MRS2: variants seen among roughly 807,000 people sequenced by gnomAD.
The protein encoded by MRS2 is magnesium transporter MRS2 homolog, mitochondrial.
MRS2 carries 40 observed loss-of-function variants against 52.6 expected under a neutral mutation model. That is an observed-to-expected ratio of 0.76 (90% CI 0.59 to 0.99). MRS2 has a LOEUF of 0.99. MRS2 is among the 50% of genes least tolerant of loss of function. MRS2 has a pLI of 0.00. For missense variants in MRS2, 472 were observed against 532.7 expected (o/e 0.89, Z 1.12); for synonymous variants, 193 against 195.9 (o/e 0.98, Z 0.13).
chr6:24,404,928 T>C (rs1330544053), intron 1 of MRS2, among the ~76,000 whole-genome samples: 5 of 152,238 alleles, frequency 3.3e-5, no homozygotes, highest in Non-Finnish European at 7.3e-5. Flanking sequence ...GTGATTGGAA[T>C]CCATCAGTTA....
intron 6 of MRS2, among the ~76,000 whole-genome samples, chr6:24,416,178 C>A (rs1761841541): frequency 1.3e-5 from 2 of 152,104 alleles, no homozygotes; most frequent in Admixed American, 6.6e-5. Context: ...CTGCCTTGGC[C>A]TCCTAAAGTG....
chr6:24,416,309 T>C lies in MRS2; in HGVS notation c.720-88T>C, dbSNP rs367893110. ...TTTAGCATGAATGTATAAGATAATA[T>C]ATTTGATAAGATACTCTAAAAACAC... On this transcript the variant is annotated intron_variant, in intron 6 of 10. Transcript: ENST00000378386. 2.0e-5 allele frequency: 12 copies of C among 613,194 alleles called. 1 individual carries two copies. Among genetic ancestry groups the C allele is most frequent in the Admixed American group, 1.1e-4 (4 of 34,810 alleles). 38.0% of individuals were successfully genotyped at this position (613,194 alleles called of 1,614,324 possible). A position where few individuals can be genotyped will look rare whatever the true frequency, so the allele number is the denominator to read the frequency against.
chr6:24,422,491 A>G (rs1762078816), intron 9 of MRS2, among the ~76,000 whole-genome samples: 1 of 152,162 alleles, frequency 6.6e-6, no homozygotes, highest in Non-Finnish European at 1.5e-5. Context: ...CGGAAGACAA[A>G]AAATTTATTA....
At chr6:24,409,281 ACT>A (rs923068342) in intron 3 of MRS2, among the ~76,000 whole-genome samples, 178 bp from the exon 4 acceptor site, 7 of 152,076 alleles carry the variant, frequency 4.6e-5, no homozygotes, top group Non-Finnish European at 1.0e-4. Context: ...CATTAGTTTG[ACT>A]CTATTTAGCC....
intron 2 of MRS2, among the ~76,000 whole-genome samples, chr6:24,406,976 ATTTT>A (rs1205519025): frequency 6.6e-6 from 1 of 152,208 alleles, no homozygotes; most frequent in African/African-American, 2.4e-5. Context: ...GATTTAAAAA[ATTTT>A]TTTAAGTTCC....
Position 24,415,090 on chromosome 6 carries a change from G to A in MRS2, c.646G>A (p.Asp216Asn), listed in dbSNP as rs758968199. 1 of 1,611,946 alleles carries A rather than the reference G, an allele frequency of 6.2e-7. No individual in the cohort carries two copies. Among genetic ancestry groups the A allele is most frequent in the Non-Finnish European group, 8.5e-7 (1 of 1,178,388 alleles). The change falls in exon 6 of 11, where the codon GAT becomes AAT. Residue 216 changes from aspartate to asparagine, a missense_variant. Transcript: ENST00000378386. ...ILQPLILETL[D>N]ALVDPKHSSV... ...GCAGCCACTGATCCTTGAGACCTTG[G>A]ATGCTTTGGTGGACCCCAAACATTC...
intron 9 of MRS2, 33 bp from the exon 10 acceptor site, chr6:24,422,904 T>G: frequency 6.8e-7 from 1 of 1,480,510 alleles, no homozygotes; most frequent in Non-Finnish European, 9.4e-7. Context: ...AACCTGGCGT[T>G]TTGCGATGGA....
At chr6:24,410,785 T>G (rs1437455519) in intron 4 of MRS2, 1 of 1,513,782 alleles carries the variant, frequency 6.6e-7, no homozygotes. Context: ...GTCTCTTTCA[T>G]GGAGAGACAG....
chr6:24,421,431 G>A (rs116652616), intron 9 of MRS2, among the ~76,000 whole-genome samples: 1,737 of 120,264 alleles, frequency 0.014, 16 homozygotes, highest in South Asian at 0.061. Flanking sequence ...TTAAATCCAT[G>A]GATGTCAAAT....
intron 4 of MRS2, among the ~76,000 whole-genome samples, chr6:24,411,823 C>A (rs1330796048): frequency 3.3e-5 from 5 of 151,614 alleles, no homozygotes; most frequent in Non-Finnish European, 7.4e-5. Context: ...AGGCATGAGC[C>A]ACCATGCCCG....
intron 4 of MRS2, chr6:24,410,701 G>A (rs1212798602): frequency 1.3e-6 from 2 of 1,491,342 alleles, no homozygotes; most frequent in Non-Finnish European, 1.8e-6. Context: ...AAATGAAGCA[G>A]TCTTCTCCCA....
chr6:24,420,424 T>C (rs979152474), intron 9 of MRS2, among the ~76,000 whole-genome samples: 10 of 152,258 alleles, frequency 6.6e-5, no homozygotes, highest in Non-Finnish European at 1.5e-5. Flanking sequence ...GTATTAGTCA[T>C]TTTTAATGTA....
chr6:24,404,570 C>T (rs922691676), intron 1 of MRS2, among the ~76,000 whole-genome samples: 1 of 152,132 alleles, frequency 6.6e-6, no homozygotes, highest in African/African-American at 2.4e-5. Context: ...CTTCACCGCT[C>T]ACTTCGACTC....
chr6:24,418,094 A>T lies in MRS2; in HGVS notation c.847A>T (p.Ser283Cys). The T allele has an allele frequency of 6.2e-7, 1 of 1,606,558 alleles. No homozygotes were observed. The highest frequency in any genetic ancestry group is 1.1e-5 in the South Asian group (1 of 89,076). Residue 283 changes from serine (S) to cysteine (C), a missense_variant, in exon 8 of 11, where the codon AGT becomes TGT. By Grantham distance (112) the Ser-to-Cys change is moderately radical. Transcript: ENST00000378386. ...WSDPQVFEKSSAGIDHAEEME... is the reference protein window; with the variant it reads ...WSDPQVFEKSCAGIDHAEEME... The stretch of plus-strand genomic sequence containing the variant: ...CTCTTTTAATTGAAGTGAAAAGAGC[A>T]GTGCTGGGATTGACCATGCAGAAGA...
At chr6:24,411,696 G>A (rs1243020749) in intron 4 of MRS2, among the ~76,000 whole-genome samples, 1 of 152,054 alleles carries the variant, frequency 6.6e-6, no homozygotes, top group South Asian at 2.1e-4. Context: ...GGGCCACCAC[G>A]CCTAACTGAT....
Position 24,425,163 on chromosome 6 carries a change from A to G in MRS2, c.*1469A>G, listed in dbSNP as rs1167010261. ...TAAGATTGTATTTGATAATACTTAT[A>G]TTTCACAGGGCACACTTTTGGCACA... On this transcript the variant is annotated 3_prime_UTR_variant, in exon 11 of 11. Transcript: ENST00000378386. 1 of 152,200 alleles carries G rather than the reference A, an allele frequency of 6.6e-6. No homozygotes were observed. The highest frequency in any genetic ancestry group is 1.5e-5 in the Non-Finnish European group (1 of 68,042). 9.4% of individuals were successfully genotyped at this position (152,200 alleles called of 1,614,324 possible).
chr6:24,416,709 C>T (rs1179660056), intron 7 of MRS2, among the ~76,000 whole-genome samples, 196 bp downstream of exon 7: 1 of 152,142 alleles, frequency 6.6e-6, no homozygotes, highest in Non-Finnish European at 1.5e-5. Flanking sequence ...ATGCATACTG[C>T]ATACCCAACA....
At chr6:24,403,408 G>T (rs778596644) in intron 1 of MRS2, among the ~76,000 whole-genome samples, 172 bp downstream of exon 1, 1 of 152,206 alleles carries the variant, frequency 6.6e-6, no homozygotes, top group African/African-American at 2.4e-5. Flanking sequence ...CGTCCCACTC[G>T]CTCAGAATGC....
intron 7 of MRS2, among the ~76,000 whole-genome samples, chr6:24,416,823 G>C (rs1486081822): frequency 1.3e-5 from 2 of 152,192 alleles, no homozygotes; most frequent in Non-Finnish European, 2.9e-5. Context: ...CTAGGAAGCA[G>C]AGTGGGAGAG....
Sources: gnomAD v4.1 joint callset for allele counts (sites outside exome capture counted in the v4.1 genomes callset) on GRCh38, gnomAD v4.1.1 for gene constraint, MANE v1.5 for transcripts, NCBI Gene and HGNC (gene_info 2026-07-23, HGNC 2026-07-21) for gene names.